Variants in SHANK2 observed in about 807,000 individuals in gnomAD.
SHANK2 encodes the protein SH3 and multiple ankyrin repeat domains 2, also known as SH3 and multiple ankyrin repeat domains protein 2.
A neutral mutation model predicts 133.7 loss-of-function variants in SHANK2; 43 were observed. The ratio of observed to expected loss-of-function variants is 0.32; its 90% confidence interval spans 0.25 to 0.41. The LOEUF (loss-of-function observed/expected upper bound fraction) is 0.41, where lower values mean the gene tolerates loss of function less well. Among genes scored for constraint, SHANK2 ranks in the 10% least tolerant of loss-of-function variants. The probability of loss-of-function intolerance (pLI) is 1.00; values close to 1 mark genes in which losing one functional copy is unlikely to be tolerated. For synonymous variants in SHANK2, 1,017 were observed against 952.8 expected, an observed-to-expected ratio of 1.07 and a Z score of -1.24; for missense variants, 1,994 against 2,235.8, an observed-to-expected ratio of 0.89 and a Z score of 2.18.
In SHANK2 at chr11:70,817,171, G is replaced by C. The variant is rs1026312923; in HGVS notation, c.1493+3193C>G. On this transcript the variant is annotated intron_variant, in intron 12 of 25. Coordinates refer to ENST00000601538, the MANE Select transcript of SHANK2 (RefSeq NM_012309.5). ...CTCCAACTCTCCATCCCACCTGGTC[G>C]CCTCGAAGGCAAATGCTCACCACTG... is the stretch of plus-strand genomic sequence containing the variant. Among the ~76,000 whole-genome samples, 4 of 152,190 alleles carry C rather than the reference G, an allele frequency of 2.6e-5. No individual in the cohort carries two copies. In the East Asian group the frequency reaches 5.8e-4, roughly 22 times the overall value.
In SHANK2 at chr11:70,772,916, G is replaced by A. The variant is rs114800722; in HGVS notation, c.1777+25527C>T. 2.8e-3 allele frequency among the ~76,000 whole-genome samples: 422 copies of A among 152,286 alleles called. 3 individuals carry two copies. Among genetic ancestry groups the A allele is most frequent in the African/African-American group, 9.9e-3 (412 of 41,562 alleles). ...TCTTGCAGAAGATCCCCATGTATATGTAAAACCAATACAATTGGTATGCTA... is the reference window on the plus strand; with the variant it reads ...TCTTGCAGAAGATCCCCATGTATATATAAAACCAATACAATTGGTATGCTA... On this transcript the variant is annotated intron_variant, in intron 14 of 25. Coordinates refer to ENST00000601538, the MANE Select transcript of SHANK2 (RefSeq NM_012309.5).
chr11:71,210,191 C>A, intron 2 of SHANK2, among the ~76,000 whole-genome samples: 1 of 122,352 alleles, frequency 8.2e-6, no homozygotes, highest in Admixed American at 9.7e-5. Flanking sequence ...ACCTGGTCCT[C>A]TTCATTGGAA....
At chr11:71,096,095 C>T (rs1951607405) in intron 6 of SHANK2, among the ~76,000 whole-genome samples, 1 of 151,968 alleles carries the variant, frequency 6.6e-6, no homozygotes, top group Non-Finnish European at 1.5e-5. Context: ...CGTGCGTAGA[C>T]ATGCCAGCAT....
rs566820305 is a variant in SHANK2, at chr11:70,473,229, G to A, written c.5190C>T (p.Thr1730=). 27 of 1,610,460 alleles carry A rather than the reference G, an allele frequency of 1.7e-5. No homozygotes were observed. The East Asian group carries it at 2.9e-4, about 17-fold the overall frequency. Reference sequence around the variant, plus strand: ...CTGAGAGAGCGGGAGAAGGAGAGGCGGTGGCAGCAGACAGGGGGGCGGGCA... The same window carrying A: ...CTGAGAGAGCGGGAGAAGGAGAGGCAGTGGCAGCAGACAGGGGGGCGGGCA... ...ETLPAPLSAA[T]ASPSPALSDV... Residue 1730 remains threonine, a synonymous_variant, in exon 26 of 26, where the codon ACC becomes ACT. Transcript: ENST00000601538. This position sits in a 1 kb window ranked among gnomAD's most constrained non-coding sequence, Gnocchi z 5.9.
intron 7 of SHANK2, 129 bp downstream of exon 7, chr11:71,094,408 A>G: frequency 1.2e-6 from 1 of 857,966 alleles, no homozygotes; most frequent in Non-Finnish European, 1.8e-6. Context: ...AACACTGTGC[A>G]CGGACTCCTA....
At chr11:71,088,489 C>T (rs1000873626) in intron 8 of SHANK2, among the ~76,000 whole-genome samples, 144,108 of 152,196 alleles carry the variant, frequency 0.95, 68,277 homozygotes, top group Non-Finnish European at 0.96. Flanking sequence ...ACTCATTATC[C>T]ATTTGGCCAG....
At chr11:70,903,410 T>C (rs1287986888) in intron 10 of SHANK2, among the ~76,000 whole-genome samples, 1 of 141,356 alleles carries the variant, frequency 7.1e-6, no homozygotes, top group Non-Finnish European at 1.5e-5. Flanking sequence ...TAAAATAAAA[T>C]AAAATAAAAT....
intron 11 of SHANK2, among the ~76,000 whole-genome samples, chr11:70,892,914 C>T (rs1949872216): frequency 6.6e-6 from 1 of 152,152 alleles, no homozygotes; most frequent in Non-Finnish European, 1.5e-5. Context: ...GAGTCAACTG[C>T]TCATGAACAC....
chr11:71,098,673 T>G (rs1951667769), intron 6 of SHANK2, among the ~76,000 whole-genome samples: 1 of 152,180 alleles, frequency 6.6e-6, no homozygotes, highest in Non-Finnish European at 1.5e-5. Flanking sequence ...AAAGCTGGGT[T>G]ATAAGTCAAC....
At chr11:70,853,144 C>A (rs1210432119) in intron 11 of SHANK2, among the ~76,000 whole-genome samples, 1 of 152,232 alleles carries the variant, frequency 6.6e-6, no homozygotes, top group Non-Finnish European at 1.5e-5. Flanking sequence ...TCCTCCTGGG[C>A]TCCTTAGAGC....
At chr11:71,084,680 C>G (rs1215210828) in intron 8 of SHANK2, among the ~76,000 whole-genome samples, 1 of 152,180 alleles carries the variant, frequency 6.6e-6, no homozygotes, top group African/African-American at 2.4e-5. Flanking sequence ...CCACCTGCCC[C>G]TGTAATTTCT....
intron 14 of SHANK2, among the ~76,000 whole-genome samples, chr11:70,786,168 A>G (rs1947649840): frequency 6.6e-6 from 1 of 152,174 alleles, no homozygotes. Flanking sequence ...GGGGCAATAA[A>G]GTGGAATTAT....
chr11:70,919,832 G>A (rs1950323609), intron 10 of SHANK2, among the ~76,000 whole-genome samples: 1 of 152,220 alleles, frequency 6.6e-6, no homozygotes, highest in African/African-American at 2.4e-5. Context: ...GCACATAAGT[G>A]AGATTGCATC....
intron 12 of SHANK2, among the ~76,000 whole-genome samples, chr11:70,809,567 C>G (rs1948235855): frequency 6.6e-6 from 1 of 152,184 alleles, no homozygotes. Context: ...ATTCTTACTC[C>G]TTCTCTCAGC....
intron 14 of SHANK2, among the ~76,000 whole-genome samples, chr11:70,733,391 T>C (rs1321622665): frequency 6.6e-6 from 1 of 152,210 alleles, no homozygotes; most frequent in African/African-American, 2.4e-5. Context: ...TAGCCCTGTG[T>C]GGTGGGTACA....
At chr11:70,740,618 C>T (rs1197910157) in intron 14 of SHANK2, among the ~76,000 whole-genome samples, 3 of 152,130 alleles carry the variant, frequency 2.0e-5, no homozygotes, top group African/African-American at 7.2e-5. Context: ...TTGGATAGGC[C>T]CCAGCAAGCA....
intron 17 of SHANK2, among the ~76,000 whole-genome samples, chr11:70,599,203 T>G (rs2060443375): frequency 6.6e-6 from 1 of 152,032 alleles, no homozygotes; most frequent in Non-Finnish European, 1.5e-5. Flanking sequence ...AATCAGCAAA[T>G]GCAATTCTGA....
rs1448092053 is a variant in SHANK2, at chr11:70,468,134, A to G, written c.*4735T>C. The stretch of plus-strand genomic sequence containing the variant: ...TATGCAGATCAGGTTCAAAACACCC[A>G]AGGCACACACTTTATTTTTTTTCCT... On this transcript the variant is annotated 3_prime_UTR_variant, in exon 26 of 26. Coordinates refer to ENST00000601538, the MANE Select transcript of SHANK2 (RefSeq NM_012309.5). 6.6e-6 allele frequency: 1 copy of G among 152,464 alleles called. No homozygotes were observed. Among genetic ancestry groups the G allele is most frequent in the Non-Finnish European group, 1.5e-5 (1 of 68,022 alleles). 9.4% of individuals were successfully genotyped at this position (152,464 alleles called of 1,614,324 possible).
chr11:70,803,974 C>T (rs928265076), intron 13 of SHANK2, among the ~76,000 whole-genome samples: 43 of 152,134 alleles, frequency 2.8e-4, no homozygotes, highest in Middle Eastern at 3.4e-3. Context: ...TGGGACCGAG[C>T]GGAGGAGATG....
Sources: allele counts gnomAD v4.1 joint callset (sites outside exome capture counted in the v4.1 genomes callset), GRCh38; gene constraint gnomAD v4.1.1; non-coding constraint Gnocchi (gnomAD v3.1); transcripts MANE v1.5; gene names NCBI Gene and HGNC (gene_info 2026-07-23, HGNC 2026-07-21).